Variants in MED31 observed in about 807,000 individuals in gnomAD.
The protein encoded by MED31 is mediator of RNA polymerase II transcription subunit 31.
Under a neutral mutation model 22.0 loss-of-function variants are expected in MED31, and 11 were observed. That is an observed-to-expected ratio of 0.50 (90% CI 0.31 to 0.83). MED31 has a LOEUF of 0.83. Among genes scored for constraint, MED31 ranks in the 40% least tolerant of loss-of-function variants. MED31 has a pLI of 0.04. For synonymous variants in MED31, 60 were observed against 55.1 expected (o/e 1.09, Z -0.40); for missense variants, 122 against 155.3 (o/e 0.79, Z 1.14).
Position 6,649,537 on chromosome 17 carries a change from A to C in MED31, c.203+445T>G, listed in dbSNP as rs1228864980. ...CTACATTTACAGATTGTGAGTTCTT[A>C]GGGACCAGAAACCTGGTGAGATGGG... On this transcript the variant is annotated intron_variant, in intron 3 of 3. Coordinates refer to ENST00000225728, the MANE Select transcript of MED31 (RefSeq NM_016060.3). 2.0e-5 allele frequency among the ~76,000 whole-genome samples: 3 copies of C among 152,194 alleles called. No individual in the cohort carries two copies. The East Asian group carries it at 5.8e-4, about 29-fold the overall frequency.
intron 3 of MED31, among the ~76,000 whole-genome samples, chr17:6,645,555 C>G (rs1230098677): frequency 2.0e-5 from 3 of 152,168 alleles, no homozygotes; most frequent in African/African-American, 7.2e-5. Flanking sequence ...CTAAAAATTC[C>G]TGGGAGGATC....
chr17:6,643,601 C>G lies in MED31; in HGVS notation c.*866G>C, dbSNP rs2240276. 0.71 allele frequency: 109,218 copies of G among 152,764 alleles called. 40,335 individuals carry two copies. The highest frequency in any genetic ancestry group is 0.92 in the African/African-American group (38,324 of 41,564). 9.5% of individuals were successfully genotyped at this position (152,764 alleles called of 1,614,324 possible). A position where few individuals can be genotyped will look rare whatever the true frequency, so the allele number is the denominator to read the frequency against. Reference sequence around the variant, plus strand: ...GCCGGAAAGACTCTATAACCCAGTTCTGGGAAGAACTCCAAGCTGGGAGTC... The same window carrying G: ...GCCGGAAAGACTCTATAACCCAGTTGTGGGAAGAACTCCAAGCTGGGAGTC... On this transcript the variant is annotated 3_prime_UTR_variant, in exon 4 of 4. Coordinates refer to ENST00000225728, the MANE Select transcript of MED31 (RefSeq NM_016060.3).
chr17:6,646,680 C>T (rs1832270374), intron 3 of MED31, among the ~76,000 whole-genome samples: 1 of 152,250 alleles, frequency 6.6e-6, no homozygotes, highest in African/African-American at 2.4e-5. Context: ...CGGAAGGCCG[C>T]AGGGACCCCT....
chr17:6,650,263 G>A (rs2301874), intron 2 of MED31, 93 bp downstream of exon 2: 549,002 of 1,357,020 alleles, frequency 0.4, 114,613 homozygotes, highest in Non-Finnish European at 0.43. Flanking sequence ...ATTCAACTGA[G>A]AATGTGTAAA....
At position 6,643,863 on chromosome 17, in the gene MED31, A is replaced by G; in HGVS notation, c.*604T>C. On this transcript the variant is annotated 3_prime_UTR_variant, in exon 4 of 4. Coordinates refer to ENST00000225728, the MANE Select transcript of MED31 (RefSeq NM_016060.3). ...TCTAAAGTCAAGAGTCCAGTTAGTA[A>G]CTAACCACTAGTTGTCCTGCCATGA... is the stretch of plus-strand genomic sequence containing the variant. 1 of 369,028 alleles carries G rather than the reference A, an allele frequency of 2.7e-6. No individual in the cohort carries two copies. The highest frequency in any genetic ancestry group is 4.8e-6 in the Non-Finnish European group (1 of 207,740). The allele number at this position is 369,028 out of a possible 1,614,324, so 22.9% of individuals were successfully genotyped here.
intron 3 of MED31, among the ~76,000 whole-genome samples, chr17:6,647,161 G>T: frequency 6.6e-6 from 1 of 152,194 alleles, no homozygotes; most frequent in East Asian, 1.9e-4. Context: ...CACTCGCCTC[G>T]CCAAGACAGT....
chr17:6,648,414 AGT>A (rs1355414757), intron 3 of MED31, among the ~76,000 whole-genome samples: 5 of 152,240 alleles, frequency 3.3e-5, no homozygotes, highest in Non-Finnish European at 7.3e-5. Flanking sequence ...AGTGGTAGAA[AGT>A]GTCTCTTCCA....
intron 3 of MED31, among the ~76,000 whole-genome samples, chr17:6,648,144 CTT>C (rs1972787115): frequency 6.6e-6 from 1 of 152,180 alleles, no homozygotes; most frequent in East Asian, 1.9e-4. Context: ...GTAATATAAA[CTT>C]AAGTTGAATT....
intron 2 of MED31, 95 bp downstream of exon 2, chr17:6,650,261 G>T: frequency 7.4e-7 from 1 of 1,357,704 alleles, no homozygotes; most frequent in South Asian, 1.2e-5. Context: ...TCATTCAACT[G>T]AGAATGTGTA....
intron 3 of MED31, among the ~76,000 whole-genome samples, chr17:6,649,206 GTTTTTTTTGTTTT>G (rs1283476810): frequency 6.1e-5 from 1 of 16,268 alleles, no homozygotes; most frequent in East Asian, 1.7e-3. Flanking sequence ...AGGTGGGTTG[GTTTTTTTTGTTTT>G]TTTTGTTTTT....
In MED31 at chr17:6,650,090, T is replaced by TA. The variant is rs746426154; in HGVS notation, c.107-13dup. ...TCTTTGGGCAAGAACTGAAAAGCAT[T>TA]AAAAAAAAAAATCTGTAGGTCAAAC... is the stretch of plus-strand genomic sequence containing the variant. On this transcript the variant is annotated splice_polypyrimidine_tract_variant and intron_variant, in intron 2 of 3. Transcript: ENST00000225728. 33,177 of 1,075,516 alleles carry TA rather than the reference T, an allele frequency of 0.031. No homozygotes were observed. The highest frequency in any genetic ancestry group is 0.045 in the South Asian group (2,550 of 56,716). 66.6% of individuals were successfully genotyped at this position (1,075,516 alleles called of 1,614,324 possible).
chr17:6,645,863 A>G (rs1312214630), intron 3 of MED31, among the ~76,000 whole-genome samples: 1 of 152,226 alleles, frequency 6.6e-6, no homozygotes, highest in East Asian at 1.9e-4. Context: ...ATGTAATATG[A>G]TATTTACATA....
At chr17:6,650,250 G>A (rs1488399058) in intron 2 of MED31, 106 bp downstream of exon 2, 8 of 1,307,006 alleles carry the variant, frequency 6.1e-6, no homozygotes, top group Non-Finnish European at 8.7e-6. Context: ...TAAGTGTAAT[G>A]TCATTCAACT....
chr17:6,646,957 G>A (rs1972775352), intron 3 of MED31, among the ~76,000 whole-genome samples: 1 of 152,252 alleles, frequency 6.6e-6, no homozygotes. Context: ...AAACCGCCCT[G>A]TGGCTGGAGG....
At chr17:6,649,286 TAGTA>T (rs1252563552) in intron 3 of MED31, among the ~76,000 whole-genome samples, 1 of 152,024 alleles carries the variant, frequency 6.6e-6, no homozygotes, top group African/African-American at 2.4e-5. Context: ...TCTTGCAACT[TAGTA>T]AGCCTTAACA....
chr17:6,651,472 GA>G lies in MED31; in HGVS notation c.28+28del, dbSNP rs764317927. 14 of 1,613,884 alleles carry G rather than the reference GA, an allele frequency of 8.7e-6. No individual in the cohort carries two copies. In the Admixed American group the frequency reaches 2.2e-4, roughly 25 times the overall value. ...CTGGGTCAAGGAGAGTTCCATCTGC[GA>G]AGACTCCAAGATCAGAGAGCTACTC... On this transcript the variant is annotated intron_variant, in intron 1 of 3. Transcript: ENST00000225728.
chr17:6,649,741 G>A (rs987197324), intron 3 of MED31: 3 of 331,806 alleles, frequency 9.0e-6, no homozygotes, highest in Non-Finnish European at 1.6e-5. Context: ...TGTGTAGAAA[G>A]CTGTTTTGCT....
At chr17:6,649,124 A>T (rs1348424076) in intron 3 of MED31, among the ~76,000 whole-genome samples, 2 of 112,216 alleles carry the variant, frequency 1.8e-5, no homozygotes, top group African/African-American at 3.5e-5. Flanking sequence ...TTTTCCTCTC[A>T]AACTTTTTTT....
At chr17:6,650,216 C>A (rs565934153) in intron 2 of MED31, 138 bp from the exon 3 acceptor site, 2 of 1,177,074 alleles carry the variant, frequency 1.7e-6, no homozygotes, top group Non-Finnish European at 1.2e-6. Flanking sequence ...AGTCCCAGTA[C>A]GCAATTATAT....
Sources: allele counts gnomAD v4.1 joint callset (sites outside exome capture counted in the v4.1 genomes callset), GRCh38; gene constraint gnomAD v4.1.1; transcripts MANE v1.5; gene names NCBI Gene and HGNC (gene_info 2026-07-23, HGNC 2026-07-21).